Variants in ZFYVE9 observed in about 807,000 individuals in gnomAD.
ZFYVE9 encodes the protein zinc finger FYVE domain-containing protein 9.
In ZFYVE9, 43 loss-of-function variants were observed where a neutral mutation model predicts 126.7. The ratio of observed to expected loss-of-function variants is 0.34; its 90% CI spans 0.27 to 0.44. The LOEUF (loss-of-function observed/expected upper bound fraction) is 0.44, where lower values mean the gene tolerates loss of function less well. Ranked by LOEUF, ZFYVE9 falls within the 20% of genes least tolerant of loss-of-function variation. The probability of loss-of-function intolerance (pLI) is 1.00; values close to 1 mark genes in which losing one functional copy is unlikely to be tolerated. For missense variants in ZFYVE9, 1,476 were observed against 1,697.0 expected, an observed-to-expected ratio of 0.87 and a Z score of 2.29; for synonymous variants, 521 against 597.4, an observed-to-expected ratio of 0.87 and a Z score of 1.87.
At chr1:52,241,342 A>G (rs1212713951) in intron 4 of ZFYVE9, among the ~76,000 whole-genome samples, 1 of 152,220 alleles carries the variant, frequency 6.6e-6, no homozygotes, top group Non-Finnish European at 1.5e-5. Flanking sequence ...TCTGATTGCT[A>G]AAGTTTGAAG....
At chr1:52,209,903 A>G (rs1359824354) in intron 1 of ZFYVE9, among the ~76,000 whole-genome samples, 9 of 152,206 alleles carry the variant, frequency 5.9e-5, no homozygotes, top group South Asian at 2.1e-4. Flanking sequence ...AAATGATACA[A>G]TCAGATTTGG....
chr1:52,312,508 G>A (rs1430037316), intron 13 of ZFYVE9, among the ~76,000 whole-genome samples: 3 of 152,164 alleles, frequency 2.0e-5, no homozygotes, highest in Admixed American at 1.3e-4. Context: ...AGCATCTAAC[G>A]TAGCTAATTG....
At chr1:52,236,002 AT>A (rs1356028461) in intron 3 of ZFYVE9, among the ~76,000 whole-genome samples, 1 of 152,150 alleles carries the variant, frequency 6.6e-6, no homozygotes. Flanking sequence ...TTATAGTAAA[AT>A]TGGCTTCTTT....
At chr1:52,251,042 TTG>T (rs1407410404) in intron 4 of ZFYVE9, among the ~76,000 whole-genome samples, 21 of 143,122 alleles carry the variant, frequency 1.5e-4, no homozygotes, top group Non-Finnish European at 3.1e-5. Context: ...GTTGTTGTTG[TTG>T]TTGTTGTTGT....
chr1:52,222,541 C>T lies in ZFYVE9; in HGVS notation c.-37+6067C>T, dbSNP rs1485524241. ...GGAGGTCTTGCACTAGCCGGGATGA[C>T]CTGTCTGGCTTCCTTACAGGCAATA... On this transcript the variant is annotated intron_variant, in intron 2 of 18. Transcript: ENST00000287727. 2.0e-5 allele frequency among the ~76,000 whole-genome samples: 3 copies of T among 152,184 alleles called. 1 individual carries two copies. The highest frequency in any genetic ancestry group is 4.8e-5 in the African/African-American group (2 of 41,430).
At chr1:52,205,664 GC>G (rs2124577535) in intron 1 of ZFYVE9, among the ~76,000 whole-genome samples, 1 of 152,054 alleles carries the variant, frequency 6.6e-6, no homozygotes, top group Non-Finnish European at 1.5e-5. Flanking sequence ...GAACCACCAT[GC>G]CTGGCCACCT....
chr1:52,181,931 C>T (rs1474728997), intron 1 of ZFYVE9, among the ~76,000 whole-genome samples: 2 of 151,988 alleles, frequency 1.3e-5, no homozygotes, highest in Non-Finnish European at 2.9e-5. Flanking sequence ...GCCCGGCAGC[C>T]ACCCCGTCGG....
chr1:52,196,734 T>C (rs754408201), intron 1 of ZFYVE9, among the ~76,000 whole-genome samples: 2 of 152,204 alleles, frequency 1.3e-5, no homozygotes, highest in Non-Finnish European at 2.9e-5. Flanking sequence ...AATTTTTTAG[T>C]GGTATTTATT....
intron 1 of ZFYVE9, among the ~76,000 whole-genome samples, chr1:52,164,401 A>G (rs1444638567): frequency 6.6e-6 from 1 of 151,896 alleles, no homozygotes; most frequent in Non-Finnish European, 1.5e-5. Flanking sequence ...TTTAGCAGAG[A>G]TGGGCTTTTA....
At position 52,253,568 on chromosome 1, in the gene ZFYVE9, T is replaced by A. The variant is rs532777030; in HGVS notation, c.2179-10205T>A. Reference sequence around the variant, plus strand: ...AAGCCGAGTGGGAGTGGCACAGAGCTGCTGGAGATCCTGAGAACCTGAGTT... The same window carrying A: ...AAGCCGAGTGGGAGTGGCACAGAGCAGCTGGAGATCCTGAGAACCTGAGTT... On this transcript the variant is annotated intron_variant, in intron 4 of 18. Coordinates refer to ENST00000287727, the MANE Select transcript of ZFYVE9 (RefSeq NM_004799.4). 43 of 848,022 alleles carry A rather than the reference T, an allele frequency of 5.1e-5. 1 individual carries two copies. The South Asian group carries it at 6.2e-4, about 12-fold the overall frequency. The allele number at this position is 848,022 out of a possible 1,614,324, so 52.5% of individuals were successfully genotyped here.
intron 1 of ZFYVE9, among the ~76,000 whole-genome samples, chr1:52,154,779 TAAG>T (rs916958660): frequency 2.0e-5 from 3 of 152,286 alleles, no homozygotes; most frequent in South Asian, 4.2e-4. Flanking sequence ...CTCTGTCTGT[TAAG>T]AAGATTTTCC....
chr1:52,151,570 C>T (rs1644356853), intron 1 of ZFYVE9, among the ~76,000 whole-genome samples: 1 of 150,720 alleles, frequency 6.6e-6, no homozygotes, highest in Admixed American at 6.6e-5. Flanking sequence ...GGCTGGAGTG[C>T]AGTGGTGTGG....
chr1:52,288,925 C>CAAAAAA lies in ZFYVE9; in HGVS notation c.3026-4512_3026-4507dup, dbSNP rs775138803. Among the ~76,000 whole-genome samples the CAAAAAA allele has an allele frequency of 6.4e-3, 375 of 58,424 alleles. 1 individual carries two copies. Among genetic ancestry groups the CAAAAAA allele is most frequent in the Non-Finnish European group, 0.01 (262 of 26,142 alleles). The allele number at this position is 58,424 out of a possible 152,430, so 38.3% of individuals were successfully genotyped here. On this transcript the variant is annotated intron_variant, in intron 10 of 18. Transcript: ENST00000287727. ...TGGGTGACAGAGCGAGACTCTGTCT[C>CAAAAAA]AAAAAAAAAAAAAAAAAAAAAGAAA... is the stretch of plus-strand genomic sequence containing the variant.
chr1:52,297,340 A>G (rs1349174151), intron 12 of ZFYVE9, among the ~76,000 whole-genome samples: 1 of 150,754 alleles, frequency 6.6e-6, no homozygotes, highest in African/African-American at 2.4e-5. Context: ...CAGGTTCAAG[A>G]GAGTCTCCTG....
Position 52,295,953 on chromosome 1 carries a change from G to T in ZFYVE9, c.3309G>T (p.Gly1103=), listed in dbSNP as rs1030218793. The stretch of plus-strand genomic sequence containing the variant: ...GGAAGCCATTGTTTGGAGAGACGGG[G>T]CATACCATCATGAATCTTCTTGCAG... ...RFRKPLFGET[G]HTIMNLLADF... The change falls in exon 12 of 19, where the codon GGG becomes GGT. Residue 1103 remains glycine (G), a synonymous_variant. Coordinates refer to ENST00000287727, the MANE Select transcript of ZFYVE9 (RefSeq NM_004799.4). 6.2e-7 allele frequency: 1 copy of T among 1,613,686 alleles called. No individual in the cohort carries two copies. Among genetic ancestry groups the T allele is most frequent in the Non-Finnish European group, 8.5e-7 (1 of 1,179,804 alleles).
chr1:52,255,141 G>A (rs113297607), intron 4 of ZFYVE9, among the ~76,000 whole-genome samples: 8 of 151,474 alleles, frequency 5.3e-5, no homozygotes, highest in East Asian at 1.9e-4. Flanking sequence ...ACATATATTT[G>A]CTTCAGCCAT....
chr1:52,324,285 A>C (rs944999669), intron 13 of ZFYVE9, among the ~76,000 whole-genome samples: 25 of 148,440 alleles, frequency 1.7e-4, no homozygotes, highest in African/African-American at 6.3e-4. Context: ...AAACAAAAAC[A>C]AAAACAAAAC....
chr1:52,209,408 TCA>T (rs1184052358), intron 1 of ZFYVE9, among the ~76,000 whole-genome samples: 1 of 152,152 alleles, frequency 6.6e-6, no homozygotes, highest in African/African-American at 2.4e-5. Context: ...TTCAGTATAT[TCA>T]CAGAGTTGTG....
At chr1:52,250,126 T>C (rs545994451) in intron 4 of ZFYVE9, among the ~76,000 whole-genome samples, 1 of 152,330 alleles carries the variant, frequency 6.6e-6, no homozygotes, top group South Asian at 2.1e-4. Flanking sequence ...AATTTGAGAA[T>C]GGATTTTTCT....
Sources: gnomAD v4.1 joint callset for allele counts (sites outside exome capture counted in the v4.1 genomes callset) on GRCh38, gnomAD v4.1.1 for gene constraint, MANE v1.5 for transcripts, NCBI Gene and HGNC (gene_info 2026-07-23, HGNC 2026-07-21) for gene names.